Variants in MAGI2 observed in about 807,000 individuals in gnomAD.
MAGI2 encodes membrane associated guanylate kinase, WW and PDZ domain containing 2, also known as membrane-associated guanylate kinase, WW and PDZ domain-containing protein 2.
MAGI2 carries 35 observed loss-of-function variants against 133.3 expected under a neutral mutation model. The observed-to-expected ratio is 0.26, with a 90% CI of 0.20 to 0.35. MAGI2 has a LOEUF of 0.35. Ranked by LOEUF, MAGI2 falls within the 10% of genes least tolerant of loss-of-function variation. The pLI is 1.00. For missense variants in MAGI2, 1,636 were observed against 1,863.4 expected (o/e 0.88, Z 2.25); for synonymous variants, 729 against 710.6 (o/e 1.03, Z -0.41).
At chr7:78,520,632 C>A (rs1340321306) in intron 4 of MAGI2, among the ~76,000 whole-genome samples, 2 of 151,800 alleles carry the variant, frequency 1.3e-5, no homozygotes, top group African/African-American at 4.8e-5. Flanking sequence ...TACCAAAATG[C>A]CACAGTTTTG....
At chr7:79,252,942 G>A (rs1254645195) in intron 1 of MAGI2, among the ~76,000 whole-genome samples, 1 of 152,086 alleles carries the variant, frequency 6.6e-6, no homozygotes, top group African/African-American at 2.4e-5. Flanking sequence ...ATAGCCCAGG[G>A]TTTGCATAAA....
At chr7:78,572,647 T>C (rs568343664) in intron 3 of MAGI2, among the ~76,000 whole-genome samples, 1 of 152,008 alleles carries the variant, frequency 6.6e-6, no homozygotes, top group Admixed American at 6.5e-5. Context: ...GTTTTGGCTA[T>C]TTACTTTTAT....
chr7:78,255,877 CAAT>C (rs1792915919), intron 10 of MAGI2, 63 bp downstream of exon 10: 2 of 1,458,186 alleles, frequency 1.4e-6, no homozygotes, highest in Non-Finnish European at 1.9e-6. Context: ...TGCATTTTAA[CAAT>C]ATTATTAAAT....
At chr7:78,316,345 T>G (rs929490216) in intron 9 of MAGI2, among the ~76,000 whole-genome samples, 4 of 152,200 alleles carry the variant, frequency 2.6e-5, no homozygotes, top group African/African-American at 9.6e-5. Context: ...TACAGTGAGT[T>G]CCTGCCCTTT....
intron 2 of MAGI2, among the ~76,000 whole-genome samples, chr7:78,696,933 A>C (rs1311645065): frequency 6.6e-6 from 1 of 152,114 alleles, no homozygotes; most frequent in African/African-American, 2.4e-5. Flanking sequence ...CCACCAATCC[A>C]GCCTTTATTT....
At chr7:78,404,894 G>C (rs577230679) in intron 6 of MAGI2, among the ~76,000 whole-genome samples, 2 of 152,200 alleles carry the variant, frequency 1.3e-5, no homozygotes, top group Admixed American at 1.3e-4. Flanking sequence ...CCTACAGAAT[G>C]GGAGAAAATT....
At chr7:78,856,324 C>A (rs1178190116) in intron 2 of MAGI2, among the ~76,000 whole-genome samples, 5 of 152,206 alleles carry the variant, frequency 3.3e-5, no homozygotes, top group East Asian at 1.9e-4. Flanking sequence ...GAAGTCCTTG[C>A]ACATGCCTAT....
At chr7:79,242,508 C>G (rs1438785883) in intron 1 of MAGI2, among the ~76,000 whole-genome samples, 2 of 152,144 alleles carry the variant, frequency 1.3e-5, no homozygotes, top group African/African-American at 4.8e-5. Flanking sequence ...ACTAATATAA[C>G]TTTAAATACT....
At chr7:78,507,066 A>G (rs1395990759) in intron 4 of MAGI2, among the ~76,000 whole-genome samples, 1 of 152,186 alleles carries the variant, frequency 6.6e-6, no homozygotes, top group African/African-American at 2.4e-5. Flanking sequence ...GCAAACATGA[A>G]TTTAATATCT....
chr7:78,335,963 A>G (rs1171878031), intron 9 of MAGI2, among the ~76,000 whole-genome samples: 4 of 152,180 alleles, frequency 2.6e-5, no homozygotes, highest in South Asian at 4.1e-4. Flanking sequence ...ATTTCTTTCT[A>G]AAAGAAAGTA....
chr7:78,374,380 A>AT (rs1288162215), intron 6 of MAGI2, among the ~76,000 whole-genome samples: 2 of 152,110 alleles, frequency 1.3e-5, no homozygotes, highest in African/African-American at 4.8e-5. Context: ...GTGTCTGATC[A>AT]TGTCTTTTGC....
intron 1 of MAGI2, among the ~76,000 whole-genome samples, chr7:79,242,418 T>C (rs186267552): frequency 6.6e-6 from 1 of 152,322 alleles, no homozygotes; most frequent in East Asian, 1.9e-4. Flanking sequence ...TTGTTATACT[T>C]TTCCCTACTT....
rs551695858 is a variant in MAGI2 at position 79,379,860 on chromosome 7, GTTGT to G, written c.301+73156_301+73159del. ...TTTTTTTTACCCACTTGTTGATGGG[GTTGT>G]TTGTTTTTTTCTTGTAAATTTGTTT... On this transcript the variant is annotated intron_variant, in intron 1 of 21. Coordinates refer to ENST00000354212, the MANE Select transcript of MAGI2 (RefSeq NM_012301.4). 1.0e-4 allele frequency among the ~76,000 whole-genome samples: 15 copies of G among 150,544 alleles called. No individual in the cohort carries two copies. In the East Asian group the frequency reaches 2.7e-3, roughly 28 times the overall value.
At position 79,262,487 on chromosome 7, in the gene MAGI2, A is replaced by G. The variant is rs146245174; in HGVS notation, c.301+190533T>C. 2.9e-3 allele frequency among the ~76,000 whole-genome samples: 449 copies of G among 152,336 alleles called. 2 individuals carry two copies. Among genetic ancestry groups the G allele is most frequent in the African/African-American group, 0.01 (431 of 41,580 alleles). On this transcript the variant is annotated intron_variant, in intron 1 of 21. Coordinates refer to ENST00000354212, the MANE Select transcript of MAGI2 (RefSeq NM_012301.4). The stretch of plus-strand genomic sequence containing the variant: ...CCATTGAGTACACATGGAAAGCCAA[A>G]GAAATATTTTTGAGCTAATAAGGAC...
At chr7:79,267,343 C>A (rs1372158676) in intron 1 of MAGI2, among the ~76,000 whole-genome samples, 2 of 152,164 alleles carry the variant, frequency 1.3e-5, no homozygotes, top group Non-Finnish European at 2.9e-5. Flanking sequence ...GAGACTGGCT[C>A]TCTCAGCATG....
intron 1 of MAGI2, among the ~76,000 whole-genome samples, chr7:79,171,759 TA>T (rs1402149440): frequency 1.1e-4 from 4 of 37,118 alleles, no homozygotes; most frequent in Non-Finnish European, 3.0e-4. Context: ...TATATATATA[TA>T]TATATATATA....
At chr7:79,004,182 A>G (rs912248298) in intron 2 of MAGI2, among the ~76,000 whole-genome samples, 1 of 152,204 alleles carries the variant, frequency 6.6e-6, no homozygotes, top group Non-Finnish European at 1.5e-5. Context: ...CACTATTTAC[A>G]ATAGCAAAGA....
At chr7:78,633,253 C>T (rs1220340728) in intron 2 of MAGI2, among the ~76,000 whole-genome samples, 3 of 152,006 alleles carry the variant, frequency 2.0e-5, no homozygotes, top group African/African-American at 7.2e-5. Flanking sequence ...GGGCGGAAGG[C>T]GGGAGGAGGG....
chr7:78,429,457 G>GA (rs1467912130), intron 6 of MAGI2, among the ~76,000 whole-genome samples: 2 of 151,972 alleles, frequency 1.3e-5, no homozygotes, highest in East Asian at 1.9e-4. Context: ...AACTCCCGTG[G>GA]AAAAAAATGG....
Sources: gnomAD v4.1 joint callset for allele counts (sites outside exome capture counted in the v4.1 genomes callset) on GRCh38, gnomAD v4.1.1 for gene constraint, MANE v1.5 for transcripts, NCBI Gene and HGNC (gene_info 2026-07-23, HGNC 2026-07-21) for gene names.